The following EIF4G3 variants were observed in gnomAD, a reference collection of about 807,000 sequenced individuals.
EIF4G3 encodes the protein eIF-4-gamma 3.
A neutral mutation model predicts 186.4 loss-of-function variants in EIF4G3; 34 were observed. The ratio of observed to expected loss-of-function variants is 0.18; its 90% CI spans 0.14 to 0.24. EIF4G3 has a LOEUF of 0.24. EIF4G3 is among the 10% of genes least tolerant of loss of function. EIF4G3 has a pLI of 1.00. For missense variants in EIF4G3, 1,536 were observed against 1,948.5 expected, an observed-to-expected ratio of 0.79 and a Z score of 3.99; for synonymous variants, 673 against 679.5, an observed-to-expected ratio of 0.99 and a Z score of 0.15.
chr1:21,011,835 G>T (rs1043396798), intron 4 of EIF4G3, among the ~76,000 whole-genome samples: 1 of 152,156 alleles, frequency 6.6e-6, no homozygotes, highest in Non-Finnish European at 1.5e-5. Flanking sequence ...ACATAAAACA[G>T]TTCAGAGGTA....
chr1:20,886,173 G>A, intron 19 of EIF4G3, 28 bp downstream of exon 19: 1 of 1,580,166 alleles, frequency 6.3e-7, no homozygotes, highest in South Asian at 1.2e-5. Context: ...AATTTCAAAA[G>A]AATGTTAGGA....
chr1:20,965,512 T>C (rs1231211864), intron 12 of EIF4G3, among the ~76,000 whole-genome samples: 1 of 152,164 alleles, frequency 6.6e-6, no homozygotes, highest in Non-Finnish European at 1.5e-5. Flanking sequence ...CTTATCTAGT[T>C]AGTAACTAAT....
In EIF4G3 at chr1:20,930,180, T is replaced by G. The variant is rs185349441; in HGVS notation, c.1663+11311A>C. On this transcript the variant is annotated intron_variant, in intron 14 of 36. Transcript: ENST00000602326. The stretch of plus-strand genomic sequence containing the variant: ...CTTTTTGTTGGTGGAGGTTCTTACC[T>G]TGATGATGATGGCTGCTGCCCTCAT... Among the ~76,000 whole-genome samples the G allele has an allele frequency of 3.2e-4, 49 of 152,310 alleles. 1 individual carries two copies. In the Middle Eastern group the frequency reaches 0.01, roughly 32 times the overall value.
chr1:20,967,897 G>C (rs1200446610), intron 12 of EIF4G3, among the ~76,000 whole-genome samples: 1 of 152,156 alleles, frequency 6.6e-6, no homozygotes. Context: ...AGAGCAAAGA[G>C]AGCAGCCCCC....
intron 21 of EIF4G3, 36 bp from the exon 22 acceptor site, chr1:20,864,748 T>C (rs781391234): frequency 3.2e-6 from 5 of 1,539,370 alleles, no homozygotes; most frequent in Non-Finnish European, 4.5e-6. Context: ...ATCTTGATGA[T>C]GAAAGTTGTA....
At chr1:20,856,243 T>C (rs1398421750) in intron 25 of EIF4G3, among the ~76,000 whole-genome samples, 1 of 152,242 alleles carries the variant, frequency 6.6e-6, no homozygotes, top group African/African-American at 2.4e-5. Context: ...GACAAAACTG[T>C]GAAGATGCAA....
intron 34 of EIF4G3, among the ~76,000 whole-genome samples, chr1:20,816,359 G>A (rs1158500274): frequency 2.7e-5 from 1 of 37,244 alleles, no homozygotes; most frequent in Non-Finnish European, 6.6e-5. Context: ...CCCCGTCCGG[G>A]AGGGAGGTGG....
intron 2 of EIF4G3, among the ~76,000 whole-genome samples, chr1:21,144,539 G>A (rs1305144560): frequency 1.3e-5 from 2 of 151,808 alleles, no homozygotes; most frequent in African/African-American, 2.4e-5. Flanking sequence ...TTACAGGCAT[G>A]AGCCACTGGT....
At chr1:21,140,646 TA>T (rs1443338532) in intron 2 of EIF4G3, among the ~76,000 whole-genome samples, 5 of 152,134 alleles carry the variant, frequency 3.3e-5, no homozygotes, top group Admixed American at 2.6e-4. Flanking sequence ...TATAAAAAGA[TA>T]AAATTAAAGT....
intron 3 of EIF4G3, among the ~76,000 whole-genome samples, chr1:21,074,363 T>C (rs192486341): frequency 1.2e-4 from 18 of 152,300 alleles, no homozygotes; most frequent in African/African-American, 4.1e-4. Context: ...TGAGAACAAC[T>C]GACTTAGGTA....
At chr1:20,914,234 T>C (rs1198718236) in intron 14 of EIF4G3, among the ~76,000 whole-genome samples, 1 of 152,128 alleles carries the variant, frequency 6.6e-6, no homozygotes, top group Non-Finnish European at 1.5e-5. Context: ...GCTTTTAACC[T>C]TGTGAATACG....
intron 12 of EIF4G3, among the ~76,000 whole-genome samples, chr1:20,968,695 A>G (rs2154565404): frequency 6.6e-6 from 1 of 152,342 alleles, no homozygotes; most frequent in South Asian, 2.1e-4. Context: ...GTGGATAAAA[A>G]ATATTTAGAA....
chr1:21,016,623 C>T (rs1188041318), intron 4 of EIF4G3, among the ~76,000 whole-genome samples: 3 of 152,030 alleles, frequency 2.0e-5, no homozygotes, highest in Non-Finnish European at 2.9e-5. Context: ...CGCGTCACTG[C>T]ACTCCAGCAT....
At chr1:21,081,177 A>G (rs1298184258) in intron 3 of EIF4G3, among the ~76,000 whole-genome samples, 1 of 152,200 alleles carries the variant, frequency 6.6e-6, no homozygotes, top group African/African-American at 2.4e-5. Flanking sequence ...TCACGCCTGT[A>G]ATCCCAGCAC....
intron 12 of EIF4G3, among the ~76,000 whole-genome samples, chr1:20,965,303 C>T (rs570984918): frequency 8.5e-5 from 13 of 152,244 alleles, no homozygotes; most frequent in Non-Finnish European, 1.6e-4. Flanking sequence ...TTATGTTTCA[C>T]TACAAAAGAC....
rs2063969384 is a variant in EIF4G3 at position 20,827,640 on chromosome 1, A to G, written c.4246T>C (p.Leu1416=). Residue 1416 remains leucine, a synonymous_variant, in exon 32 of 37, where the codon TTG becomes CTG. Coordinates refer to ENST00000602326, the MANE Select transcript of EIF4G3 (RefSeq NM_001391906.1). ...GRAGVLLSEI[L]HLLCKQMSHK... is the part of the protein sequence containing the mutation. ...ACCATTTGTTTGCATAGTAGGTGCA[A>G]TATTTCAGATAGCAAGACCCCAGCT... 4 of 1,611,540 alleles carry G rather than the reference A, an allele frequency of 2.5e-6. No individual in the cohort carries two copies. Among genetic ancestry groups the G allele is most frequent in the Non-Finnish European group, 3.4e-6 (4 of 1,178,068 alleles).
chr1:21,142,511 A>G (rs1476200966), intron 2 of EIF4G3, among the ~76,000 whole-genome samples: 1 of 152,164 alleles, frequency 6.6e-6, no homozygotes, highest in African/African-American at 2.4e-5. Context: ...TAGCTCCCCA[A>G]AAATTAAATT....
chr1:21,092,385 C>T (rs145791529), intron 2 of EIF4G3, among the ~76,000 whole-genome samples: 5 of 152,172 alleles, frequency 3.3e-5, no homozygotes, highest in East Asian at 1.9e-4. Context: ...CTGCTGGATT[C>T]GGTTTGCCAG....
chr1:20,924,551 G>C (rs2094726725), intron 14 of EIF4G3, among the ~76,000 whole-genome samples: 1 of 152,130 alleles, frequency 6.6e-6, no homozygotes, highest in Admixed American at 6.5e-5. Flanking sequence ...TAAATCATGA[G>C]AGAATTGTTC....
Sources: gnomAD v4.1 joint callset for allele counts (sites outside exome capture counted in the v4.1 genomes callset) on GRCh38, gnomAD v4.1.1 for gene constraint, MANE v1.5 for transcripts, NCBI Gene and HGNC (gene_info 2026-07-23, HGNC 2026-07-21) for gene names.